STARD3NL: variants seen among roughly 807,000 people sequenced by gnomAD.
The protein encoded by STARD3NL is STARD3 N-terminal-like protein.
A neutral mutation model predicts 30.9 loss-of-function variants in STARD3NL; 17 were observed. The ratio of observed to expected loss-of-function variants is 0.55; its 90% CI spans 0.38 to 0.82. The LOEUF (loss-of-function observed/expected upper bound fraction) is 0.82, where lower values mean the gene tolerates loss of function less well. Ranked by LOEUF, STARD3NL falls within the 40% of genes least tolerant of loss-of-function variation. The probability of loss-of-function intolerance (pLI) is 0.00; values close to 1 mark genes in which losing one functional copy is unlikely to be tolerated. For synonymous variants in STARD3NL, 112 were observed against 100.5 expected, an observed-to-expected ratio of 1.11 and a Z score of -0.69; for missense variants, 234 against 277.6, an observed-to-expected ratio of 0.84 and a Z score of 1.12.
intron 1 of STARD3NL, among the ~76,000 whole-genome samples, chr7:38,200,746 C>T (rs1785136814): frequency 1.3e-5 from 2 of 152,202 alleles, no homozygotes; most frequent in East Asian, 1.9e-4. Context: ...AGGCCCTTAC[C>T]GATCCCCCAA....
rs1312686644 is a variant in STARD3NL, at chr7:38,215,552, A to C, written c.381+447A>C. The C allele has an allele frequency of 1.0e-4, 16 of 159,602 alleles. 1 individual carries two copies. Among genetic ancestry groups the C allele is most frequent in the Non-Finnish European group, 2.2e-4 (16 of 73,034 alleles). The allele number at this position is 159,602 out of a possible 1,614,324, so 9.9% of individuals were successfully genotyped here. ...CACAACCCCCTGTCTTGGAGGGAAAAGCTCTCAGTCTCTCTGTTGTTGCCT... is the reference window on the plus strand; with the variant it reads ...CACAACCCCCTGTCTTGGAGGGAAACGCTCTCAGTCTCTCTGTTGTTGCCT... On this transcript the variant is annotated intron_variant, in intron 4 of 8. Coordinates refer to ENST00000009041, the MANE Select transcript of STARD3NL (RefSeq NM_032016.4).
intron 1 of STARD3NL, among the ~76,000 whole-genome samples, chr7:38,193,753 T>C (rs1784789921): frequency 6.6e-6 from 1 of 152,250 alleles, no homozygotes; most frequent in South Asian, 2.1e-4. Context: ...AGTCCCAGTG[T>C]GAGGAAGCTC....
intron 7 of STARD3NL, among the ~76,000 whole-genome samples, chr7:38,227,157 T>C (rs1385532473): frequency 1.3e-5 from 2 of 152,252 alleles, no homozygotes; most frequent in East Asian, 1.9e-4. Flanking sequence ...CATATTGTTA[T>C]ATTTTAATTA....
At chr7:38,212,952 G>T (rs886976692) in intron 2 of STARD3NL, among the ~76,000 whole-genome samples, 1 of 152,082 alleles carries the variant, frequency 6.6e-6, no homozygotes, top group African/African-American at 2.4e-5. Context: ...TATAAGTTAG[G>T]GATAGAGATA....
At chr7:38,186,499 A>G (rs545044830) in intron 1 of STARD3NL, among the ~76,000 whole-genome samples, 3 of 152,228 alleles carry the variant, frequency 2.0e-5, no homozygotes, top group Non-Finnish European at 4.4e-5. Flanking sequence ...AGGAGTTTCT[A>G]GGTGAGCTGT....
At chr7:38,197,176 CTT>C (rs1784954872) in intron 1 of STARD3NL, among the ~76,000 whole-genome samples, 1 of 147,772 alleles carries the variant, frequency 6.8e-6, no homozygotes, top group Non-Finnish European at 1.5e-5. Flanking sequence ...TTCTTTCTTT[CTT>C]TCTTTCTTTC....
At chr7:38,178,477 T>C (rs574937033) in intron 1 of STARD3NL, 57 bp downstream of exon 1, 3 of 152,456 alleles carry the variant, frequency 2.0e-5, no homozygotes, top group African/African-American at 7.2e-5. Flanking sequence ...GTCTCCTGGG[T>C]CAGATGACTT....
intron 8 of STARD3NL, among the ~76,000 whole-genome samples, chr7:38,229,689 G>A (rs1383768076): frequency 2.0e-5 from 3 of 152,134 alleles, no homozygotes; most frequent in Admixed American, 6.6e-5. Flanking sequence ...CACCTCAGCC[G>A]CATCTCTCCA....
intron 7 of STARD3NL, among the ~76,000 whole-genome samples, chr7:38,224,129 A>C (rs891011584): frequency 6.6e-6 from 1 of 151,516 alleles, no homozygotes; most frequent in Non-Finnish European, 1.5e-5. Context: ...AGCATATATC[A>C]GTGTTTTGCT....
intron 1 of STARD3NL, among the ~76,000 whole-genome samples, chr7:38,196,758 G>A (rs1476251537): frequency 6.6e-6 from 1 of 152,120 alleles, no homozygotes; most frequent in Non-Finnish European, 1.5e-5. Flanking sequence ...TCTCTATATA[G>A]TAGCTTTCTA....
At chr7:38,216,457 CTGTGTGTG>C (rs3217069) in intron 4 of STARD3NL, 101 of 149,030 alleles carry the variant, frequency 6.8e-4, no homozygotes, top group Non-Finnish European at 1.3e-3. Flanking sequence ...CCAAGCAGCT[CTGTGTGTG>C]TGTGTGTGTG....
intron 1 of STARD3NL, among the ~76,000 whole-genome samples, chr7:38,188,069 T>TC (rs1784536377): frequency 6.6e-6 from 1 of 152,200 alleles, no homozygotes; most frequent in African/African-American, 2.4e-5. Context: ...CTAACTGGTT[T>TC]CCCCACTTCT....
At chr7:38,187,286 T>G (rs1452920393) in intron 1 of STARD3NL, among the ~76,000 whole-genome samples, 1 of 152,250 alleles carries the variant, frequency 6.6e-6, no homozygotes, top group Non-Finnish European at 1.5e-5. Flanking sequence ...ATGGAACAAC[T>G]TATATACATT....
intron 1 of STARD3NL, among the ~76,000 whole-genome samples, chr7:38,206,504 G>A (rs538701319): frequency 6.6e-6 from 1 of 152,096 alleles, no homozygotes; most frequent in Non-Finnish European, 1.5e-5. Context: ...CAGATTATTT[G>A]GATTACTCAT....
chr7:38,221,762 G>A (rs1786475899), intron 7 of STARD3NL, among the ~76,000 whole-genome samples: 2 of 152,244 alleles, frequency 1.3e-5, no homozygotes, highest in South Asian at 2.1e-4. Context: ...GCCCCTGTGG[G>A]CACTGTCACC....
chr7:38,200,939 A>G (rs1785145753), intron 1 of STARD3NL, among the ~76,000 whole-genome samples: 1 of 152,212 alleles, frequency 6.6e-6, no homozygotes, highest in Non-Finnish European at 1.5e-5. Flanking sequence ...TGTTTCTAAC[A>G]TGAGTCCCTC....
chr7:38,186,108 AC>A, intron 1 of STARD3NL, among the ~76,000 whole-genome samples: 1 of 152,108 alleles, frequency 6.6e-6, no homozygotes, highest in Non-Finnish European at 1.5e-5. Context: ...ATGACTCTTG[AC>A]TCCTCCATTG....
At chr7:38,180,558 A>G (rs1329814374) in intron 1 of STARD3NL, among the ~76,000 whole-genome samples, 4 of 152,214 alleles carry the variant, frequency 2.6e-5, no homozygotes, top group Non-Finnish European at 5.9e-5. Context: ...CATACATTCT[A>G]TTCCTTCCAA....
At chr7:38,190,218 G>A (rs2115998082) in intron 1 of STARD3NL, among the ~76,000 whole-genome samples, 1 of 152,254 alleles carries the variant, frequency 6.6e-6, no homozygotes, top group Non-Finnish European at 1.5e-5. Flanking sequence ...TGGGTGGGAT[G>A]GAGTGAGATA....
Sources: allele counts gnomAD v4.1 joint callset (sites outside exome capture counted in the v4.1 genomes callset), GRCh38; gene constraint gnomAD v4.1.1; transcripts MANE v1.5; gene names NCBI Gene and HGNC (gene_info 2026-07-23, HGNC 2026-07-21).